The following GALNTL6 variants were observed in gnomAD, a reference collection of about 807,000 sequenced individuals.
GALNTL6 encodes polypeptide N-acetylgalactosaminyltransferase like 6, also known as polypeptide N-acetylgalactosaminyltransferase-like 6.
GALNTL6 carries 46 observed loss-of-function variants against 73.7 expected under a neutral mutation model. That is an observed-to-expected ratio of 0.62 (90% CI 0.49 to 0.80). GALNTL6 has a LOEUF of 0.80. GALNTL6 is among the 30% of genes least tolerant of loss of function. GALNTL6 has a pLI of 0.00. For missense variants in GALNTL6, 604 were observed against 755.0 expected (o/e 0.80, Z 2.34); for synonymous variants, 259 against 263.7 (o/e 0.98, Z 0.17).
chr4:172,529,008 C>CACAG (rs1221184915), intron 5 of GALNTL6, among the ~76,000 whole-genome samples: 29 of 23,922 alleles, frequency 1.2e-3, no homozygotes, highest in East Asian at 5.0e-3. Flanking sequence ...TATATATATA[C>CACAG]ACACACACAC....
chr4:173,014,409 G>A (rs1243463789), intron 11 of GALNTL6, among the ~76,000 whole-genome samples: 1 of 152,216 alleles, frequency 6.6e-6, no homozygotes, highest in Non-Finnish European at 1.5e-5. Context: ...CACTCTGCAG[G>A]CCCAGCAGCA....
chr4:172,800,641 A>G (rs1740587122), intron 5 of GALNTL6, among the ~76,000 whole-genome samples: 2 of 152,218 alleles, frequency 1.3e-5, no homozygotes, highest in African/African-American at 4.8e-5. Context: ...TTTTTTTGCA[A>G]TACATAGAAA....
chr4:171,817,934 A>G (rs1434760720), intron 2 of GALNTL6, among the ~76,000 whole-genome samples: 1 of 151,458 alleles, frequency 6.6e-6, no homozygotes, highest in East Asian at 1.9e-4. Flanking sequence ...ATGTTACATT[A>G]TTATAATTGT....
rs70941399 is a variant in GALNTL6 at position 172,308,003 on chromosome 4, C to CTTTTTTTTTTTTTTTTTTT, written c.248-3599_248-3581dup. Among the ~76,000 whole-genome samples the CTTTTTTTTTTTTTTTTTTT allele has an allele frequency of 6.4e-4, 22 of 34,588 alleles. 3 individuals are homozygous for CTTTTTTTTTTTTTTTTTTT. The highest frequency in any genetic ancestry group is 7.5e-4 in the Non-Finnish European group (15 of 20,018). 22.7% of individuals were successfully genotyped at this position (34,588 alleles called of 152,430 possible). On this transcript the variant is annotated intron_variant, in intron 3 of 12. Transcript: ENST00000506823. ...TCCATGAGCATGGGATGTGTTTTAA[C>CTTTTTTTTTTTTTTTTTTT]TTTTTTTTTTTTTTTTTTTTTTTTT...
intron 2 of GALNTL6, among the ~76,000 whole-genome samples, chr4:171,816,574 T>C (rs1248685115): frequency 6.6e-6 from 1 of 151,992 alleles, no homozygotes; most frequent in Admixed American, 6.6e-5. Context: ...GTTTAATAAC[T>C]CTATGTAGAG....
At chr4:172,878,196 A>C (rs1745285924) in intron 7 of GALNTL6, among the ~76,000 whole-genome samples, 2 of 151,996 alleles carry the variant, frequency 1.3e-5, no homozygotes, top group Admixed American at 1.3e-4. Flanking sequence ...CTTCAGTACA[A>C]CACTGCACAA....
At chr4:172,144,083 T>C (rs1733866927) in intron 2 of GALNTL6, among the ~76,000 whole-genome samples, 2 of 152,198 alleles carry the variant, frequency 1.3e-5, no homozygotes, top group Non-Finnish European at 2.9e-5. Flanking sequence ...GGGATGGCTG[T>C]TATTTCTCCA....
intron 5 of GALNTL6, among the ~76,000 whole-genome samples, chr4:172,696,395 G>A (rs1161078878): frequency 1.3e-5 from 2 of 151,958 alleles, no homozygotes; most frequent in African/African-American, 2.4e-5. Context: ...CACCTTTCAG[G>A]CATTCCTAAT....
intron 8 of GALNTL6, among the ~76,000 whole-genome samples, chr4:172,890,812 G>A (rs773752997): frequency 6.6e-6 from 1 of 152,074 alleles, no homozygotes; most frequent in East Asian, 1.9e-4. Context: ...CCCTATTATT[G>A]TGTGGCTGTC....
intron 2 of GALNTL6, among the ~76,000 whole-genome samples, chr4:171,834,316 C>A (rs1456115837): frequency 6.6e-6 from 1 of 151,922 alleles, no homozygotes; most frequent in Non-Finnish European, 1.5e-5. Flanking sequence ...TTGGCCAAAA[C>A]CACACAATGA....
At chr4:172,409,438 C>T (rs557550561) in intron 5 of GALNTL6, among the ~76,000 whole-genome samples, 1 of 152,052 alleles carries the variant, frequency 6.6e-6, no homozygotes, top group East Asian at 1.9e-4. Flanking sequence ...CTACATAAAA[C>T]AATAACTGGA....
chr4:171,957,821 G>A (rs551015795), intron 2 of GALNTL6, among the ~76,000 whole-genome samples: 1 of 152,124 alleles, frequency 6.6e-6, no homozygotes, highest in Non-Finnish European at 1.5e-5. Flanking sequence ...TAACTGACCT[G>A]TTCAGATGTC....
At chr4:172,400,910 T>A (rs1210280303) in intron 5 of GALNTL6, among the ~76,000 whole-genome samples, 1 of 152,104 alleles carries the variant, frequency 6.6e-6, no homozygotes, top group Non-Finnish European at 1.5e-5. Context: ...ACATGTTGCA[T>A]AGGAGAATGA....
chr4:171,873,991 C>T lies in GALNTL6; in HGVS notation c.138+59273C>T, dbSNP rs184112234. 3.9e-5 allele frequency among the ~76,000 whole-genome samples: 6 copies of T among 152,228 alleles called. No individual in the cohort carries two copies. In the East Asian group the frequency reaches 1.2e-3, roughly 29 times the overall value. On this transcript the variant is annotated intron_variant, in intron 2 of 12. Coordinates refer to ENST00000506823, the MANE Select transcript of GALNTL6 (RefSeq NM_001034845.3). ...GGTGTTTAGCCAGGCTTAGGAAAACCTGGAACCAGGTGTTGAATGCCGGCA... is the reference window on the plus strand; with the variant it reads ...GGTGTTTAGCCAGGCTTAGGAAAACTTGGAACCAGGTGTTGAATGCCGGCA...
chr4:172,099,612 T>A (rs1170296392), intron 2 of GALNTL6, among the ~76,000 whole-genome samples: 1 of 152,178 alleles, frequency 6.6e-6, no homozygotes, highest in Non-Finnish European at 1.5e-5. Context: ...AAAAGGATCC[T>A]TTGTGTTCCC....
chr4:171,906,793 A>T (rs910440035), intron 2 of GALNTL6, among the ~76,000 whole-genome samples: 2 of 152,168 alleles, frequency 1.3e-5, no homozygotes, highest in African/African-American at 4.8e-5. Flanking sequence ...AAGCTTATCC[A>T]CCATCATCAA....
At chr4:172,101,695 G>A (rs982782239) in intron 2 of GALNTL6, among the ~76,000 whole-genome samples, 1 of 151,774 alleles carries the variant, frequency 6.6e-6, no homozygotes, top group African/African-American at 2.4e-5. Context: ...TGAATATTTT[G>A]AGATTTTAAT....
chr4:171,819,261 C>T (rs550448229), intron 2 of GALNTL6, among the ~76,000 whole-genome samples: 23 of 152,164 alleles, frequency 1.5e-4, no homozygotes, highest in African/African-American at 5.5e-4. Flanking sequence ...TTCAGAATCA[C>T]TACAGGGTGG....
At chr4:172,797,689 C>A (rs1205667200) in intron 5 of GALNTL6, among the ~76,000 whole-genome samples, 1 of 152,072 alleles carries the variant, frequency 6.6e-6, no homozygotes, top group Non-Finnish European at 1.5e-5. Context: ...CAGGCACACA[C>A]CACCACGCCC....
Sources: gnomAD v4.1 joint callset for allele counts (sites outside exome capture counted in the v4.1 genomes callset) on GRCh38, gnomAD v4.1.1 for gene constraint, MANE v1.5 for transcripts, NCBI Gene and HGNC (gene_info 2026-07-23, HGNC 2026-07-21) for gene names.